WDFY3: variants seen among roughly 807,000 people sequenced by gnomAD.
The protein encoded by WDFY3 is WD repeat and FYVE domain-containing protein 3.
Under a neutral mutation model 409.6 loss-of-function variants are expected in WDFY3, and 66 were observed. That is an observed-to-expected ratio of 0.16 (90% CI 0.13 to 0.20). The LOEUF (loss-of-function observed/expected upper bound fraction) is 0.20. Ranked by LOEUF, WDFY3 falls within the 10% of genes least tolerant of loss-of-function variation. The probability of loss-of-function intolerance (pLI) is 1.00; values close to 1 mark genes in which losing one functional copy is unlikely to be tolerated. For synonymous variants in WDFY3, 1,521 were observed against 1,537.1 expected (o/e 0.99, Z 0.25); for missense variants, 3,031 against 4,298.1 (o/e 0.71, Z 8.24).
At chr4:84,917,499 ATAAAT>A (rs1768665154) in intron 2 of WDFY3, among the ~76,000 whole-genome samples, 2 of 152,182 alleles carry the variant, frequency 1.3e-5, no homozygotes, top group Non-Finnish European at 2.9e-5. Flanking sequence ...TAAAAGTAAA[ATAAAT>A]TAACTTACAT....
At chr4:84,722,917 G>C (rs1291374805) in intron 46 of WDFY3, among the ~76,000 whole-genome samples, 1 of 152,182 alleles carries the variant, frequency 6.6e-6, no homozygotes, top group Non-Finnish European at 1.5e-5. Context: ...ATCCTGCAGA[G>C]AACATCCACA....
intron 50 of WDFY3, 91 bp from the exon 51 acceptor site, chr4:84,713,330 C>T (rs1158481604): frequency 8.3e-7 from 1 of 1,206,134 alleles, no homozygotes; most frequent in Non-Finnish European, 1.2e-6. Context: ...TTTAGATTTT[C>T]ATAGTTGCGT....
At chr4:84,856,110 A>G (rs1361591171) in intron 4 of WDFY3, among the ~76,000 whole-genome samples, 1 of 152,172 alleles carries the variant, frequency 6.6e-6, no homozygotes, top group Non-Finnish European at 1.5e-5. Flanking sequence ...GCCACAAAAT[A>G]ATTCACCTGT....
chr4:84,838,984 G>A (rs1395959601), intron 6 of WDFY3, among the ~76,000 whole-genome samples: 1 of 152,088 alleles, frequency 6.6e-6, no homozygotes. Context: ...GCAGAAAATG[G>A]CACTCAAACA....
At chr4:84,845,845 T>A (rs1362858685) in intron 5 of WDFY3, among the ~76,000 whole-genome samples, 1 of 151,864 alleles carries the variant, frequency 6.6e-6, no homozygotes, top group East Asian at 1.9e-4. Context: ...ATTATGTTCT[T>A]CTCTCCTAAA....
intron 32 of WDFY3, among the ~76,000 whole-genome samples, chr4:84,761,597 C>G (rs577923291): frequency 6.6e-6 from 1 of 152,006 alleles, no homozygotes; most frequent in Non-Finnish European, 1.5e-5. Flanking sequence ...GCAACAAAAG[C>G]CAAAATTGAC....
In WDFY3 at chr4:84,763,394, A is replaced by AG. The variant is rs532625891; in HGVS notation, c.5188+2415dup. On this transcript the variant is annotated intron_variant, in intron 32 of 67. Coordinates refer to ENST00000295888, the MANE Select transcript of WDFY3 (RefSeq NM_014991.6). ...GGGGTCTGTTGTAGGGTGGGGGTTAAGGGGAGGGAGAGAATTAGGACAAAT... is the reference window on the plus strand; with the variant it reads ...GGGGTCTGTTGTAGGGTGGGGGTTAAGGGGGAGGGAGAGAATTAGGACAAAT... Among the ~76,000 whole-genome samples the AG allele has an allele frequency of 7.5e-4, 111 of 147,700 alleles. No homozygotes were observed. The East Asian group carries it at 0.02, about 26-fold the overall frequency.
rs368118796 is a variant in WDFY3, at chr4:84,831,591, C to T, written c.591G>A (p.Leu197=). Residue 197 remains leucine, a synonymous_variant, in exon 8 of 68, where the codon CTG becomes CTA. Transcript: ENST00000295888. ...QKVFVQILVK[L]CSFVSPAEEL... is the part of the protein sequence containing the mutation. ...CCTCCGCAGGGGAAACAAAACTGCA[C>T]AGTTTCACTAAGATCTAAAAAATAA... is the stretch of plus-strand genomic sequence containing the variant. 2 of 1,611,508 alleles carry T rather than the reference C, an allele frequency of 1.2e-6. No individual in the cohort carries two copies. Among genetic ancestry groups the T allele is most frequent in the Non-Finnish European group, 1.7e-6 (2 of 1,178,670 alleles).
At chr4:84,760,826 G>A (rs1177268758) in intron 32 of WDFY3, among the ~76,000 whole-genome samples, 1 of 144,406 alleles carries the variant, frequency 6.9e-6, no homozygotes, top group African/African-American at 2.6e-5. Flanking sequence ...TCTGATTTTA[G>A]TTATTTCTTG....
intron 47 of WDFY3, 97 bp downstream of exon 47, chr4:84,721,312 A>C: frequency 1.0e-5 from 15 of 1,449,908 alleles, no homozygotes; most frequent in African/African-American, 1.4e-5. Context: ...TACCGAGGCT[A>C]ATGCATTTAC....
At chr4:84,948,532 A>G (rs1168017039) in intron 1 of WDFY3, among the ~76,000 whole-genome samples, 2 of 152,178 alleles carry the variant, frequency 1.3e-5, no homozygotes, top group Non-Finnish European at 2.9e-5. Context: ...TAGATCACCA[A>G]TACGGACTTG....
intron 60 of WDFY3, 54 bp from the exon 61 acceptor site, chr4:84,690,718 T>G (rs1454524347): frequency 1.3e-6 from 2 of 1,529,374 alleles, no homozygotes; most frequent in African/African-American, 2.8e-5. Flanking sequence ...TATACAAACT[T>G]CTGAAACTCA....
intron 36 of WDFY3, among the ~76,000 whole-genome samples, chr4:84,751,045 C>T (rs1018120839): frequency 6.6e-6 from 1 of 152,254 alleles, no homozygotes; most frequent in African/African-American, 2.4e-5. Context: ...GGGGTTGGCA[C>T]ACTATGGCCT....
intron 5 of WDFY3, among the ~76,000 whole-genome samples, chr4:84,846,585 T>G (rs1423694710): frequency 6.7e-6 from 1 of 149,238 alleles, no homozygotes; most frequent in Non-Finnish European, 1.5e-5. Flanking sequence ...AAATAAGTTT[T>G]AGGAATTTTT....
At chr4:84,850,706 G>T (rs1390171834) in intron 4 of WDFY3, among the ~76,000 whole-genome samples, 1 of 152,000 alleles carries the variant, frequency 6.6e-6, no homozygotes, top group Admixed American at 6.6e-5. Flanking sequence ...ATGGTGAAAA[G>T]CAGCTCTACT....
chr4:84,780,534 G>A (rs1746308335), intron 25 of WDFY3, among the ~76,000 whole-genome samples: 1 of 152,062 alleles, frequency 6.6e-6, no homozygotes, highest in Non-Finnish European at 1.5e-5. Context: ...CGAAGCAAGT[G>A]GATCACAAGG....
chr4:84,953,668 T>C (rs544909482), intron 1 of WDFY3, among the ~76,000 whole-genome samples: 2 of 152,266 alleles, frequency 1.3e-5, no homozygotes, highest in South Asian at 4.1e-4. Context: ...ATATTATAAG[T>C]ATTTTTTTTC....
chr4:84,724,333 C>T, intron 46 of WDFY3, 93 bp downstream of exon 46: 1 of 1,397,206 alleles, frequency 7.2e-7, no homozygotes, highest in Non-Finnish European at 9.6e-7. Context: ...TAAAGTTGGC[C>T]CTACTATTTA....
At chr4:84,727,246 A>G (rs968243176) in intron 44 of WDFY3, among the ~76,000 whole-genome samples, 2 of 152,142 alleles carry the variant, frequency 1.3e-5, no homozygotes, top group Non-Finnish European at 2.9e-5. Flanking sequence ...TTAAAAAAAA[A>G]AACAAAAAAC....
Sources: gnomAD v4.1 joint callset for allele counts (sites outside exome capture counted in the v4.1 genomes callset) on GRCh38, gnomAD v4.1.1 for gene constraint, MANE v1.5 for transcripts, NCBI Gene and HGNC (gene_info 2026-07-23, HGNC 2026-07-21) for gene names.